The following FAM117A variants were observed in gnomAD, a reference collection of about 807,000 sequenced individuals.
FAM117A encodes family with sequence similarity 117 member A, also known as protein FAM117A.
FAM117A carries 21 observed loss-of-function variants against 44.1 expected under a neutral mutation model. That is an observed-to-expected ratio of 0.48 (90% confidence interval 0.34 to 0.69). The LOEUF is 0.69. Among genes scored for constraint, FAM117A ranks in the 30% least tolerant of loss-of-function variants. The pLI, the probability that FAM117A is intolerant of heterozygous loss-of-function variation, is 0.01. For missense variants in FAM117A, 498 were observed against 589.9 expected (o/e 0.84, Z 1.61); for synonymous variants, 220 against 238.3 (o/e 0.92, Z 0.71).
chr17:49,711,082 G>T lies in FAM117A; in HGVS notation c.*173C>A. On this transcript the variant is annotated 3_prime_UTR_variant, in exon 8 of 8. Transcript: ENST00000240364. ...GAGAAGGCAGGTCCCATCACGTTCA[G>T]AGGGGCCGGTGCCCATCAAAAAGAG... 3.3e-6 allele frequency: 2 copies of T among 612,320 alleles called. No homozygotes were observed. Among genetic ancestry groups the T allele is most frequent in the South Asian group, 4.6e-5 (2 of 43,072 alleles). The allele number at this position is 612,320 out of a possible 1,614,324, so 37.9% of individuals were successfully genotyped here. A position where few individuals can be genotyped will look rare whatever the true frequency, so the allele number is the denominator to read the frequency against.
chr17:49,713,178 G>A (rs116225887), intron 7 of FAM117A, among the ~76,000 whole-genome samples: 3,555 of 152,100 alleles, frequency 0.023, 147 homozygotes, highest in African/African-American at 0.081. Flanking sequence ...ATGAGCCACC[G>A]CACCCAGCCT....
At chr17:49,751,921 G>A (rs1440174646) in intron 1 of FAM117A, among the ~76,000 whole-genome samples, 1 of 133,062 alleles carries the variant, frequency 7.5e-6, no homozygotes, top group Non-Finnish European at 1.5e-5. Flanking sequence ...TCCAGTCTGG[G>A]CAACAGAGTG....
chr17:49,763,834 ACGCGCCCCCCCT>A, intron 1 of FAM117A, 46 bp downstream of exon 1: 1 of 287,018 alleles, frequency 3.5e-6, no homozygotes, highest in Non-Finnish European at 4.5e-6. Flanking sequence ...TCCCGCGGTC[ACGCGCCCCCCCT>A]CCCCCAATGG....
chr17:49,764,100 T>A lies in FAM117A; in HGVS notation c.-13A>T, dbSNP rs769695784. 8.1e-7 allele frequency: 1 copy of A among 1,235,742 alleles called. No homozygotes were observed. The highest frequency in any genetic ancestry group is 1.0e-6 in the Non-Finnish European group (1 of 980,656). 76.5% of individuals were successfully genotyped at this position (1,235,742 alleles called of 1,614,324 possible). The stretch of plus-strand genomic sequence containing the variant: ...CGGCCCCCGCCATGGCTCTCCCGGC[T>A]GCCTGCCTCAGCCCCACTGCGAGAC... On this transcript the variant is annotated 5_prime_UTR_variant, in exon 1 of 8. Coordinates refer to ENST00000240364, the MANE Select transcript of FAM117A (RefSeq NM_030802.4).
chr17:49,725,515 A>C (rs1057389255), intron 2 of FAM117A, among the ~76,000 whole-genome samples: 5 of 152,230 alleles, frequency 3.3e-5, no homozygotes, highest in Non-Finnish European at 5.9e-5. Context: ...AATGTCAGGG[A>C]GGCCCCCAAT....
intron 1 of FAM117A, among the ~76,000 whole-genome samples, chr17:49,751,154 C>T (rs935857226): frequency 7.9e-5 from 12 of 151,320 alleles, no homozygotes; most frequent in Non-Finnish European, 1.2e-4. Flanking sequence ...GTGGTGTGTG[C>T]CTGTAATCCC....
chr17:49,722,437 A>G (rs754798456), intron 3 of FAM117A, 62 bp downstream of exon 3: 6 of 1,364,588 alleles, frequency 4.4e-6, no homozygotes, highest in Non-Finnish European at 6.2e-6. Context: ...GATGCATTGC[A>G]TGGTACTAGG....
chr17:49,774,593 C>T (rs1016189613), intron 1 of FAM117A, among the ~76,000 whole-genome samples: 1 of 151,644 alleles, frequency 6.6e-6, no homozygotes, highest in Non-Finnish European at 1.5e-5. Context: ...CTCCTGACCT[C>T]GTGATCTGCC....
intron 1 of FAM117A, 139 bp downstream of exon 1, chr17:49,763,753 T>C (rs1163974374): frequency 2.3e-6 from 1 of 442,552 alleles, no homozygotes; most frequent in Non-Finnish European, 3.6e-6. Flanking sequence ...TCCGCCCTCA[T>C]AGACTCTGAA....
intron 4 of FAM117A, 45 bp from the exon 5 acceptor site, chr17:49,719,939 C>T (rs1292521702): frequency 6.4e-7 from 1 of 1,572,322 alleles, no homozygotes; most frequent in Non-Finnish European, 8.6e-7. Context: ...CCCCACCAGG[C>T]CTAGACAGTC....
At chr17:49,723,461 G>A (rs1301036223) in intron 2 of FAM117A, among the ~76,000 whole-genome samples, 1 of 152,174 alleles carries the variant, frequency 6.6e-6, no homozygotes, top group Non-Finnish European at 1.5e-5. Flanking sequence ...AAGCCAAAGA[G>A]GCCCAGAACC....
chr17:49,743,611 C>T (rs1049592739), intron 1 of FAM117A, among the ~76,000 whole-genome samples: 3 of 152,072 alleles, frequency 2.0e-5, no homozygotes, highest in African/African-American at 7.2e-5. Flanking sequence ...TGCCTGTAGT[C>T]CCAGCTACTT....
chr17:49,788,683 A>C, upstream of FAM117A: 1 of 797,736 alleles, frequency 1.3e-6, no homozygotes. Flanking sequence ...GCGCCTGCGC[A>C]GAACGCTCCA....
At chr17:49,752,619 G>T (rs2073682039) in intron 1 of FAM117A, among the ~76,000 whole-genome samples, 1 of 152,094 alleles carries the variant, frequency 6.6e-6, no homozygotes, top group Non-Finnish European at 1.5e-5. Flanking sequence ...CCCCACAGAG[G>T]CAGAAAAATC....
intron 1 of FAM117A, among the ~76,000 whole-genome samples, chr17:49,733,294 G>T (rs12449950): frequency 9.2e-5 from 14 of 152,180 alleles, no homozygotes; most frequent in Admixed American, 4.6e-4. Context: ...CGAGGATTGA[G>T]GAATCTAGTT....
chr17:49,735,519 A>G (rs1342525843), intron 1 of FAM117A, among the ~76,000 whole-genome samples: 2 of 152,218 alleles, frequency 1.3e-5, no homozygotes, highest in Non-Finnish European at 2.9e-5. Flanking sequence ...CACCTATTTC[A>G]TATACCTTTT....
In FAM117A at chr17:49,720,539, T is replaced by C. The variant is rs556318633; in HGVS notation, c.463-103A>G. The C allele has an allele frequency of 2.8e-5, 22 of 796,312 alleles. No individual in the cohort carries two copies. The African/African-American group carries it at 2.9e-4, about 11-fold the overall frequency. The allele number at this position is 796,312 out of a possible 1,614,324, so 49.3% of individuals were successfully genotyped here. A position where few individuals can be genotyped will look rare whatever the true frequency, so the allele number is the denominator to read the frequency against. ...CTCCTGGCAGAGGCCCATGAAGATA[T>C]ATACAAGGAGGATGGAAGTTAATCT... is the stretch of plus-strand genomic sequence containing the variant. On this transcript the variant is annotated intron_variant, in intron 3 of 7. Transcript: ENST00000240364.
chr17:49,717,795 C>G, intron 5 of FAM117A, 81 bp from the exon 6 acceptor site: 1 of 1,172,452 alleles, frequency 8.5e-7, no homozygotes, highest in South Asian at 1.5e-5. Flanking sequence ...GGGTATTTCC[C>G]TTGCTGCTGT....
chr17:49,740,476 TCTGA>T (rs1321184745), intron 1 of FAM117A, among the ~76,000 whole-genome samples: 2 of 152,146 alleles, frequency 1.3e-5, no homozygotes, highest in Non-Finnish European at 2.9e-5. Context: ...GTCTTGATCT[TCTGA>T]CCTTGTGATC....
Sources: allele counts gnomAD v4.1 joint callset (sites outside exome capture counted in the v4.1 genomes callset), GRCh38; gene constraint gnomAD v4.1.1; transcripts MANE v1.5; gene names NCBI Gene and HGNC (gene_info 2026-07-23, HGNC 2026-07-21).